The following NHEJ1 variants were observed in gnomAD, a reference collection of about 807,000 sequenced individuals.
NHEJ1 encodes the protein non-homologous end-joining factor 1.
NHEJ1 carries 22 observed loss-of-function variants against 39.4 expected under a neutral mutation model. That is an observed-to-expected ratio of 0.56 (90% CI 0.40 to 0.80). NHEJ1 has a LOEUF of 0.80. Ranked by LOEUF, NHEJ1 falls within the 30% of genes least tolerant of loss-of-function variation. The pLI is 0.00. For missense variants in NHEJ1, 329 were observed against 357.1 expected, an observed-to-expected ratio of 0.92 and a Z score of 0.63; for synonymous variants, 154 against 135.6, an observed-to-expected ratio of 1.14 and a Z score of -0.94.
At chr2:219,138,848 A>G (rs1387203261) in intron 5 of NHEJ1, among the ~76,000 whole-genome samples, 1 of 152,154 alleles carries the variant, frequency 6.6e-6, no homozygotes, top group Non-Finnish European at 1.5e-5. Context: ...GAAAAAAGAC[A>G]TTGTTGTAGT....
intron 5 of NHEJ1, among the ~76,000 whole-genome samples, chr2:219,101,718 TTC>T (rs1949262726): frequency 6.6e-6 from 1 of 150,734 alleles, no homozygotes; most frequent in African/African-American, 2.4e-5. Context: ...AACTACCTCA[TTC>T]TTTTTTTTTT....
intron 5 of NHEJ1, among the ~76,000 whole-genome samples, chr2:219,146,359 T>C (rs2106361314): frequency 6.6e-6 from 1 of 152,206 alleles, no homozygotes; most frequent in East Asian, 1.9e-4. Context: ...TACGACCAGA[T>C]CTCAACAAGC....
intron 5 of NHEJ1, among the ~76,000 whole-genome samples, chr2:219,124,008 G>A (rs2106346842): frequency 6.6e-6 from 1 of 152,296 alleles, no homozygotes; most frequent in East Asian, 1.9e-4. Context: ...GAAGGAAATA[G>A]GAGGAATCGA....
chr2:219,118,708 C>A (rs532266269), intron 5 of NHEJ1, among the ~76,000 whole-genome samples: 1 of 152,286 alleles, frequency 6.6e-6, no homozygotes, highest in African/African-American at 2.4e-5. Flanking sequence ...GGGATTCAGG[C>A]GGACAGCTCC....
chr2:219,160,330 C>T (rs1949920281), intron 1 of NHEJ1, among the ~76,000 whole-genome samples: 1 of 152,204 alleles, frequency 6.6e-6, no homozygotes, highest in African/African-American at 2.4e-5. Context: ...GGTCCCACCA[C>T]AACCATAGCC....
rs547699376 is a variant in NHEJ1, at chr2:219,076,288, T to C, written c.*93A>G. On this transcript the variant is annotated 3_prime_UTR_variant, in exon 8 of 8. Transcript: ENST00000356853. ...CAGGAGGCCTCTGACTGTATCACTA[T>C]TTTAGAAATATTGCTGCCATGTAAG... 2.5e-6 allele frequency: 4 copies of C among 1,609,906 alleles called. No homozygotes were observed. The South Asian group carries it at 4.4e-5, about 18-fold the overall frequency.
At position 219,073,970 on chromosome 2, in the gene NHEJ1, T is replaced by C. The variant is rs1341075278; in HGVS notation, c.*2411A>G. Among the ~76,000 whole-genome samples, 2 of 152,236 alleles carry C rather than the reference T, an allele frequency of 1.3e-5. No individual in the cohort carries two copies. The highest frequency in any genetic ancestry group is 2.9e-5 in the Non-Finnish European group (2 of 68,044). ...CTGGAATACAGCCTGGCTAGGCCAATTTGTCAAAGCAGGGATTTCCCTGGA... is the reference window on the plus strand; with the variant it reads ...CTGGAATACAGCCTGGCTAGGCCAACTTGTCAAAGCAGGGATTTCCCTGGA... On this transcript the variant is annotated 3_prime_UTR_variant, in exon 8 of 8. Transcript: ENST00000356853.
chr2:219,115,907 G>A (rs755429067), intron 5 of NHEJ1, among the ~76,000 whole-genome samples: 73 of 152,260 alleles, frequency 4.8e-4, no homozygotes, highest in Non-Finnish European at 4.3e-4. Flanking sequence ...AGATCACGAG[G>A]TCAAGAGATC....
intron 5 of NHEJ1, among the ~76,000 whole-genome samples, chr2:219,079,605 G>A (rs535552316): frequency 2.2e-4 from 34 of 152,232 alleles, no homozygotes; most frequent in South Asian, 8.3e-4. Flanking sequence ...TCAGAGCCCC[G>A]AGTCCAAACT....
intron 5 of NHEJ1, among the ~76,000 whole-genome samples, chr2:219,094,171 GGGA>G (rs1342051656): frequency 6.6e-6 from 1 of 152,176 alleles, no homozygotes; most frequent in Non-Finnish European, 1.5e-5. Context: ...TGGTGATGGA[GGGA>G]TCTGATCTGA....
At chr2:219,140,901 C>T (rs1041419328) in intron 5 of NHEJ1, among the ~76,000 whole-genome samples, 2 of 152,030 alleles carry the variant, frequency 1.3e-5, no homozygotes, top group East Asian at 1.9e-4. Flanking sequence ...TCACGTGTGG[C>T]GTGCAAGGAG....
intron 5 of NHEJ1, among the ~76,000 whole-genome samples, chr2:219,102,111 G>A (rs192683807): frequency 4.7e-4 from 71 of 152,176 alleles, no homozygotes; most frequent in African/African-American, 1.4e-3. Context: ...CTTTTAAACC[G>A]TTTCCAATTT....
intron 5 of NHEJ1, among the ~76,000 whole-genome samples, chr2:219,088,998 T>C (rs1255503994): frequency 6.6e-6 from 1 of 152,092 alleles, no homozygotes; most frequent in Non-Finnish European, 1.5e-5. Context: ...TTTTGTATTT[T>C]TTAGTAGAGA....
At chr2:219,098,453 G>A (rs139995484) in intron 5 of NHEJ1, among the ~76,000 whole-genome samples, 9 of 152,306 alleles carry the variant, frequency 5.9e-5, no homozygotes, top group Non-Finnish European at 1.2e-4. Context: ...CAAATAGAGA[G>A]ACAGCCTTTA....
intron 5 of NHEJ1, among the ~76,000 whole-genome samples, chr2:219,138,358 T>G (rs1292962006): frequency 6.6e-6 from 1 of 152,224 alleles, no homozygotes; most frequent in Non-Finnish European, 1.5e-5. Context: ...TCAGAAAACA[T>G]AAATGTCAAA....
At chr2:219,083,925 T>C (rs1177819472) in intron 5 of NHEJ1, among the ~76,000 whole-genome samples, 1 of 151,994 alleles carries the variant, frequency 6.6e-6, no homozygotes, top group East Asian at 1.9e-4. Flanking sequence ...TTCAATACAC[T>C]CCTTGACCTA....
chr2:219,131,283 AG>A (rs1429699290), intron 5 of NHEJ1, among the ~76,000 whole-genome samples: 2 of 152,210 alleles, frequency 1.3e-5, no homozygotes, highest in Non-Finnish European at 2.9e-5. Context: ...AAAGGTCCAG[AG>A]TCTCTAACTC....
chr2:219,159,421 G>A (rs1303293363), intron 1 of NHEJ1: 1 of 151,196 alleles, frequency 6.6e-6, no homozygotes, highest in Non-Finnish European at 1.5e-5. Flanking sequence ...GAAAAATTTA[G>A]AATGTAAATA....
intron 5 of NHEJ1, among the ~76,000 whole-genome samples, chr2:219,139,867 G>C (rs1949673418): frequency 6.6e-6 from 1 of 152,134 alleles, no homozygotes; most frequent in African/African-American, 2.4e-5. Flanking sequence ...TTTTATTAGA[G>C]ACAGGGTTTC....
Sources: allele counts gnomAD v4.1 joint callset (sites outside exome capture counted in the v4.1 genomes callset), GRCh38; gene constraint gnomAD v4.1.1; transcripts MANE v1.5; gene names NCBI Gene and HGNC (gene_info 2026-07-23, HGNC 2026-07-21).